The following SFXN5 variants were observed in gnomAD, a reference collection of about 807,000 sequenced individuals.
SFXN5 encodes sideroflexin 5, also known as sideroflexin-5.
A neutral mutation model predicts 50.2 loss-of-function variants in SFXN5; 43 were observed. That is an observed-to-expected ratio of 0.86 (90% confidence interval 0.67 to 1.11). The LOEUF (loss-of-function observed/expected upper bound fraction) is 1.11, where lower values mean the gene tolerates loss of function less well. Ranked by LOEUF, SFXN5 falls within the 50% of genes least tolerant of loss-of-function variation. The probability of loss-of-function intolerance (pLI) is 0.00; values close to 1 mark genes in which losing one functional copy is unlikely to be tolerated. For synonymous variants in SFXN5, 203 were observed against 185.8 expected, an observed-to-expected ratio of 1.09 and a Z score of -0.75; for missense variants, 463 against 454.1, an observed-to-expected ratio of 1.02 and a Z score of -0.18.
At chr2:72,962,756 C>T (rs1267941019) in intron 12 of SFXN5, among the ~76,000 whole-genome samples, 1 of 152,212 alleles carries the variant, frequency 6.6e-6, no homozygotes, top group Non-Finnish European at 1.5e-5. Context: ...CTCATGTTAC[C>T]TGCGGGAAGG....
chr2:72,950,165 C>T lies in SFXN5; in HGVS notation c.946-5066G>A, dbSNP rs568088475. 9.2e-5 allele frequency among the ~76,000 whole-genome samples: 14 copies of T among 152,170 alleles called. No individual in the cohort carries two copies. In the South Asian group the frequency reaches 2.3e-3, roughly 25 times the overall value. On this transcript the variant is annotated intron_variant, in intron 13 of 13. Coordinates refer to ENST00000272433, the MANE Select transcript of SFXN5 (RefSeq NM_144579.3). The surrounding 1 kb of genome is among the most constrained non-coding windows in gnomAD (Gnocchi z 4.2). Reference sequence around the variant, plus strand: ...GGAACAGGCACATTTGAAGGGCAAGCGGAGGGAACAAGCCTGTGATGGTGG... The same window carrying T: ...GGAACAGGCACATTTGAAGGGCAAGTGGAGGGAACAAGCCTGTGATGGTGG...
intron 12 of SFXN5, among the ~76,000 whole-genome samples, chr2:72,963,620 G>A (rs1222355062): frequency 1.3e-5 from 2 of 152,280 alleles, no homozygotes; most frequent in East Asian, 3.9e-4. Context: ...ATGTGCGAAT[G>A]CCTGGGAGAA....
chr2:73,060,754 T>C (rs1222291370), intron 1 of SFXN5, among the ~76,000 whole-genome samples: 5 of 150,194 alleles, frequency 3.3e-5, no homozygotes, highest in Non-Finnish European at 7.4e-5. Context: ...CAGGCTGGAG[T>C]GCAGTGGCAC....
intron 2 of SFXN5, among the ~76,000 whole-genome samples, chr2:73,048,208 T>G (rs1470920931): frequency 2.0e-5 from 3 of 152,190 alleles, no homozygotes; most frequent in African/African-American, 7.2e-5. Flanking sequence ...ACGTACATAT[T>G]GTATCAGTCA....
At chr2:73,004,859 T>C (rs1203599049) in intron 6 of SFXN5, among the ~76,000 whole-genome samples, 1 of 152,208 alleles carries the variant, frequency 6.6e-6, no homozygotes, top group African/African-American at 2.4e-5. Flanking sequence ...AGAGCAGATA[T>C]TTTATAACTT....
chr2:73,043,021 T>A (rs1477184053), intron 2 of SFXN5, among the ~76,000 whole-genome samples: 3 of 152,192 alleles, frequency 2.0e-5, no homozygotes, highest in Non-Finnish European at 4.4e-5. Flanking sequence ...TGAGCTGAGA[T>A]CGCACCACTG....
intron 11 of SFXN5, 71 bp from the exon 12 acceptor site, chr2:72,968,604 C>A: frequency 6.9e-7 from 1 of 1,441,790 alleles, no homozygotes; most frequent in East Asian, 2.3e-5. Context: ...CACCCAGAGC[C>A]CTAGGTGTGT....
At chr2:73,008,584 G>A (rs1264469220) in intron 6 of SFXN5, among the ~76,000 whole-genome samples, 7 of 152,230 alleles carry the variant, frequency 4.6e-5, no homozygotes, top group African/African-American at 1.7e-4. Context: ...CCTCTCCCAG[G>A]CCACGTGCAT....
chr2:73,031,571 C>A (rs1189497547), intron 3 of SFXN5, among the ~76,000 whole-genome samples: 3 of 152,148 alleles, frequency 2.0e-5, no homozygotes, highest in African/African-American at 4.8e-5. Context: ...AAACTGCTTC[C>A]AGTGATATCA....
intron 3 of SFXN5, among the ~76,000 whole-genome samples, chr2:73,028,039 T>C (rs922831884): frequency 3.3e-5 from 5 of 152,198 alleles, no homozygotes; most frequent in African/African-American, 1.2e-4. Flanking sequence ...TGTGTTCCAA[T>C]TGCCTACAGT....
At chr2:72,956,464 A>G (rs1466541251) in intron 13 of SFXN5, among the ~76,000 whole-genome samples, 1 of 151,532 alleles carries the variant, frequency 6.6e-6, no homozygotes, top group Non-Finnish European at 1.5e-5. Flanking sequence ...CTGCTGATAA[A>G]TTAGTAGCAA....
At chr2:73,056,311 G>A (rs1168531455) in intron 2 of SFXN5, among the ~76,000 whole-genome samples, 1 of 151,896 alleles carries the variant, frequency 6.6e-6, no homozygotes, top group East Asian at 1.9e-4. Flanking sequence ...GAACCTGGGA[G>A]GCGGAGGTTG....
intron 2 of SFXN5, chr2:73,041,663 T>TA: frequency 2.5e-6 from 1 of 406,822 alleles, no homozygotes; most frequent in South Asian, 1.7e-5. Flanking sequence ...AGACTCCATC[T>TA]AAAAAAGAAA....
At position 72,960,005 on chromosome 2, in the gene SFXN5, T is replaced by G. The variant is rs1673532549; in HGVS notation, c.945+1126A>C. Among the ~76,000 whole-genome samples, 1 of 152,114 alleles carries G rather than the reference T, an allele frequency of 6.6e-6. No homozygotes were observed. The highest frequency in any genetic ancestry group is 1.5e-5 in the Non-Finnish European group (1 of 68,000). ...TGGAGTGTGACCTCTCAGGAGGGTC[T>G]GACCCTGTGGATGCCCCCCACCCAC... On this transcript the variant is annotated intron_variant, in intron 13 of 13. Coordinates refer to ENST00000272433, the MANE Select transcript of SFXN5 (RefSeq NM_144579.3). This position sits in a 1 kb window ranked among gnomAD's most constrained non-coding sequence, Gnocchi z 6.1.
At position 72,998,925 on chromosome 2, in the gene SFXN5, AGGAGCAGGGGAG is replaced by A. The variant is rs1429722316; in HGVS notation, c.534+12_534+23del. The A allele has an allele frequency of 8.1e-6, 13 of 1,613,056 alleles. No individual in the cohort carries two copies. Among genetic ancestry groups the A allele is most frequent in the Non-Finnish European group, 1.0e-5 (12 of 1,179,342 alleles). On this transcript the variant is annotated intron_variant, in intron 9 of 13. Coordinates refer to ENST00000272433, the MANE Select transcript of SFXN5 (RefSeq NM_144579.3). ...TGGCCCCAGAGCAGCAGAGCCAAGAAGGAGCAGGGGAGGGAGTACTCACAGCAATGGAGACGG... is the reference window on the plus strand; with the variant it reads ...TGGCCCCAGAGCAGCAGAGCCAAGAAGGAGTACTCACAGCAATGGAGACGG...
chr2:73,064,895 T>G (rs1559223213), intron 1 of SFXN5, among the ~76,000 whole-genome samples: 1 of 152,240 alleles, frequency 6.6e-6, no homozygotes, highest in Non-Finnish European at 1.5e-5. Context: ...CGGGTGATTC[T>G]CCCACCTCAC....
At chr2:73,051,409 C>G (rs1306031857) in intron 2 of SFXN5, among the ~76,000 whole-genome samples, 3 of 152,130 alleles carry the variant, frequency 2.0e-5, no homozygotes, top group Admixed American at 2.0e-4. Flanking sequence ...AGGTGCCCAT[C>G]AGCATGCCTG....
chr2:73,002,759 A>G (rs1015168282), intron 6 of SFXN5, among the ~76,000 whole-genome samples: 2 of 152,224 alleles, frequency 1.3e-5, no homozygotes, highest in Admixed American at 1.3e-4. Flanking sequence ...CATAGCTCCA[A>G]CGAGGAATTA....
Position 72,950,274 on chromosome 2 carries a change from T to C in SFXN5, c.946-5175A>G, listed in dbSNP as rs887595534. ...CAGCCATGAGCGTCAGAGAGAGTTTTCTGAGAGTTGTCCCAGTGAGGGCTG... is the reference window on the plus strand; with the variant it reads ...CAGCCATGAGCGTCAGAGAGAGTTTCCTGAGAGTTGTCCCAGTGAGGGCTG... On this transcript the variant is annotated intron_variant, in intron 13 of 13. Transcript: ENST00000272433. This position sits in a 1 kb window ranked among gnomAD's most constrained non-coding sequence, Gnocchi z 4.2. Among the ~76,000 whole-genome samples, 2 of 152,144 alleles carry C rather than the reference T, an allele frequency of 1.3e-5. No homozygotes were observed. The highest frequency in any genetic ancestry group is 4.8e-5 in the African/African-American group (2 of 41,416).
Sources: allele counts gnomAD v4.1 joint callset (sites outside exome capture counted in the v4.1 genomes callset), GRCh38; gene constraint gnomAD v4.1.1; non-coding constraint Gnocchi (gnomAD v3.1); transcripts MANE v1.5; gene names NCBI Gene and HGNC (gene_info 2026-07-23, HGNC 2026-07-21).